The following FZR1 variants were observed in gnomAD, a reference collection of about 807,000 sequenced individuals.
The protein encoded by FZR1 is fizzy and cell division cycle 20 related 1, also known as fizzy-related protein homolog.
FZR1 carries 11 observed loss-of-function variants against 63.6 expected under a neutral mutation model. That is an observed-to-expected ratio of 0.17 (90% confidence interval 0.11 to 0.29). The LOEUF is 0.29. FZR1 is among the 10% of genes least tolerant of loss of function. The pLI, the probability that FZR1 is intolerant of heterozygous loss-of-function variation, is 1.00. For missense variants in FZR1, 440 were observed against 687.5 expected (o/e 0.64, Z 4.03); for synonymous variants, 328 against 297.9 (o/e 1.10, Z -1.04).
At chr19:3,509,754 T>C (rs1005512020) in intron 1 of FZR1, among the ~76,000 whole-genome samples, 5 of 152,174 alleles carry the variant, frequency 3.3e-5, no homozygotes, top group Non-Finnish European at 7.3e-5. Context: ...GTCCTCAAGG[T>C]GCGTCTAGGC....
chr19:3,525,432 C>CTT lies in FZR1; in HGVS notation c.70-409_70-408dup, dbSNP rs57486013. The stretch of plus-strand genomic sequence containing the variant: ...TGTGTGGCTCCCCTCCTTGGGTTTT[C>CTT]TTTTTTTTTTTTTTTTTTTTTTTTT... On this transcript the variant is annotated intron_variant, in intron 2 of 13. Transcript: ENST00000441788. The surrounding 1 kb of genome is among the most constrained non-coding windows in gnomAD (Gnocchi z 4.2). 0.048 allele frequency among the ~76,000 whole-genome samples: 3,309 copies of CTT among 68,754 alleles called. 540 individuals are homozygous for CTT. The highest frequency in any genetic ancestry group is 0.079 in the East Asian group (170 of 2,162). The allele number at this position is 68,754 out of a possible 152,430, so 45.1% of individuals were successfully genotyped here.
In FZR1 at chr19:3,535,318, C is replaced by G. The variant is rs1048975760; in HGVS notation, c.*482C>G. ...GCACCCCACCATGTCAAACCCAAGA[C>G]CAGCCCCAAGGCCAGACCAAGGCAT... On this transcript the variant is annotated 3_prime_UTR_variant, in exon 14 of 14. Transcript: ENST00000441788. 6.2e-6 allele frequency: 1 copy of G among 161,252 alleles called. No individual in the cohort carries two copies. The highest frequency in any genetic ancestry group is 2.4e-5 in the African/African-American group (1 of 41,510). The allele number at this position is 161,252 out of a possible 1,614,324, so 10.0% of individuals were successfully genotyped here.
chr19:3,531,684 C>A, intron 8 of FZR1, 30 bp from the exon 9 acceptor site: 1 of 1,475,814 alleles, frequency 6.8e-7, no homozygotes, highest in Non-Finnish European at 9.3e-7. Context: ...AGACCTGACA[C>A]CGGTGCTCTG....
chr19:3,507,552 C>T (rs2082993757), intron 1 of FZR1, among the ~76,000 whole-genome samples: 1 of 152,164 alleles, frequency 6.6e-6, no homozygotes, highest in Non-Finnish European at 1.5e-5. Flanking sequence ...CCCCAGTCTA[C>T]CGGGCGATGA....
chr19:3,525,144 C>G lies in FZR1; in HGVS notation c.70-724C>G, dbSNP rs542675339. On this transcript the variant is annotated intron_variant, in intron 2 of 13. Transcript: ENST00000441788. The surrounding 1 kb of genome is among the most constrained non-coding windows in gnomAD (Gnocchi z 4.2). ...GGTACAGCTGTTGCGTGTCTTGTGC[C>G]GTCAAGGCCTGCGTCTGTGATCATC... is the stretch of plus-strand genomic sequence containing the variant. 6.6e-6 allele frequency among the ~76,000 whole-genome samples: 1 copy of G among 152,284 alleles called. No individual in the cohort carries two copies. The highest frequency in any genetic ancestry group is 2.1e-4 in the South Asian group (1 of 4,828).
Position 3,532,464 on chromosome 19 carries a change from G to A in FZR1, c.1056G>A (p.Thr352=), listed in dbSNP as rs748838623. The A allele has an allele frequency of 5.2e-5, 83 of 1,602,574 alleles. No homozygotes were observed. Among genetic ancestry groups the A allele is most frequent in the South Asian group, 2.0e-4 (18 of 90,596 alleles). ...GCCTGAGCCCCGTGCAGCAGTACAC[G>A]GAGCACCTGGCGGCCGTGAAGGCCA... ...HSSLSPVQQY[T]EHLAAVKAIA... The change falls in exon 11 of 14, where the codon ACG becomes ACA. Residue 352 remains threonine, a synonymous_variant. Coordinates refer to ENST00000441788, the MANE Select transcript of FZR1 (RefSeq NM_016263.4).
intron 1 of FZR1, among the ~76,000 whole-genome samples, chr19:3,518,361 G>C (rs555989688): frequency 6.6e-6 from 1 of 152,106 alleles, no homozygotes; most frequent in African/African-American, 2.4e-5. Flanking sequence ...GCTGTACCTG[G>C]CAGCTAAGTT....
At position 3,526,126 on chromosome 19, in the gene FZR1, G is replaced by A; in HGVS notation, c.202G>A (p.Glu68Lys). 6.2e-7 allele frequency: 1 copy of A among 1,612,904 alleles called. No homozygotes were observed. The highest frequency in any genetic ancestry group is 1.1e-5 in the South Asian group (1 of 91,080). Residue 68 changes from glutamate (E) to lysine (K), a missense_variant, in exon 4 of 14, where the codon GAG (glutamate) becomes AAG (lysine). This residue lies in a region of FZR1 where 200 missense variants were observed against 245.1 expected (regional missense o/e 0.82). Coordinates refer to ENST00000441788, the MANE Select transcript of FZR1 (RefSeq NM_016263.4). The surrounding 1 kb of genome is among the most constrained non-coding windows in gnomAD (Gnocchi z 5.4). The part of the protein sequence containing the change: ...SVNFHRINEN[E>K]KSPSQNRKAK... ...TCTGCTCTCCTGCCTGCAGGAGAAT[G>A]AGAAGTCTCCCAGTCAGAACCGGAA...
intron 1 of FZR1, among the ~76,000 whole-genome samples, chr19:3,521,642 C>G (rs1340098078): frequency 1.3e-5 from 2 of 152,066 alleles, no homozygotes; most frequent in Non-Finnish European, 2.9e-5. Flanking sequence ...GCTGGGATTA[C>G]AGGCATGTGC....
rs1412830856 is a variant in FZR1 at position 3,536,987 on chromosome 19, C to G, written c.*2151C>G. 1 of 151,790 alleles carries G rather than the reference C, an allele frequency of 6.6e-6. No individual in the cohort carries two copies. The highest frequency in any genetic ancestry group is 1.9e-4 in the East Asian group (1 of 5,150). 9.4% of individuals were successfully genotyped at this position (151,790 alleles called of 1,614,324 possible). A position where few individuals can be genotyped will look rare whatever the true frequency, so the allele number is the denominator to read the frequency against. On this transcript the variant is annotated 3_prime_UTR_variant, in exon 14 of 14. Transcript: ENST00000441788. ...CCAAGGACTGGACTCCAGGCAAGTC[C>G]CTGCGCTCCAGCTGGACGGCCCTGT...
chr19:3,509,087 TC>T (rs1239730827), intron 1 of FZR1, among the ~76,000 whole-genome samples: 1 of 152,242 alleles, frequency 6.6e-6, no homozygotes, highest in Admixed American at 6.5e-5. Flanking sequence ...GACCTGCTCG[TC>T]AACTCCGCTT....
chr19:3,510,082 C>T (rs928054050), intron 1 of FZR1, among the ~76,000 whole-genome samples: 2 of 152,118 alleles, frequency 1.3e-5, no homozygotes, highest in Non-Finnish European at 2.9e-5. Context: ...CTGCCCCCAG[C>T]ATGTCCCTTC....
chr19:3,519,872 C>G (rs148273354), intron 1 of FZR1, among the ~76,000 whole-genome samples: 2 of 143,740 alleles, frequency 1.4e-5, no homozygotes, highest in East Asian at 4.2e-4. Context: ...GAATCGGTCC[C>G]GGGGGGCCCC....
Position 3,530,557 on chromosome 19 carries a change from GGAGAGTGGAT to G in FZR1, c.655-223_655-214del, listed in dbSNP as rs202000096. 4.7e-3 allele frequency among the ~76,000 whole-genome samples: 705 copies of G among 148,670 alleles called. 6 individuals carry two copies. The highest frequency in any genetic ancestry group is 0.017 in the African/African-American group (673 of 40,484). ...GGTTGAGTAGATGGGAGAGCAGATG[GGAGAGTGGAT>G]GAGAGTGGATGGGAAAGCGGATGAG... On this transcript the variant is annotated intron_variant, in intron 7 of 13. Coordinates refer to ENST00000441788, the MANE Select transcript of FZR1 (RefSeq NM_016263.4).
chr19:3,530,399 G>GATGGGAGAGCGC (rs1253718396), intron 7 of FZR1, among the ~76,000 whole-genome samples: 28 of 128,366 alleles, frequency 2.2e-4, no homozygotes, highest in Non-Finnish European at 3.0e-4. Context: ...TGGGTGAGCG[G>GATGGGAGAGCGC]ATGGGAGAGC....
At position 3,526,036 on chromosome 19, in the gene FZR1, C is replaced by T. The variant is rs1480052470; in HGVS notation, c.195+43C>T. ...CAGGAGATGGGACCCCCCGGGAAGC[C>T]CAGGGCCCCTCCCAGCCTCCTTGCT... On this transcript the variant is annotated intron_variant, in intron 3 of 13. Coordinates refer to ENST00000441788, the MANE Select transcript of FZR1 (RefSeq NM_016263.4). This position sits in a 1 kb window ranked among gnomAD's most constrained non-coding sequence, Gnocchi z 5.4. 6.2e-7 allele frequency: 1 copy of T among 1,611,720 alleles called. No homozygotes were observed. Among genetic ancestry groups the T allele is most frequent in the Non-Finnish European group, 8.5e-7 (1 of 1,179,430 alleles).
chr19:3,529,099 TGAGCGGATGGGAGAGCGGATGGGA>T lies in FZR1; in HGVS notation c.654+1328_654+1351del, dbSNP rs1211015129. 5.0e-3 allele frequency among the ~76,000 whole-genome samples: 235 copies of T among 46,616 alleles called. 2 individuals carry two copies. Among genetic ancestry groups the T allele is most frequent in the East Asian group, 0.027 (17 of 636 alleles). The allele number at this position is 46,616 out of a possible 152,430, so 30.6% of individuals were successfully genotyped here. On this transcript the variant is annotated intron_variant, in intron 7 of 13. Coordinates refer to ENST00000441788, the MANE Select transcript of FZR1 (RefSeq NM_016263.4). Reference sequence around the variant, plus strand: ...GAGAGCGGATGGGAGAGCAGACGGTTGAGCGGATGGGAGAGCGGATGGGAGAGCGGATGGGAGAGCGGATGGGAG... The same window carrying T: ...GAGAGCGGATGGGAGAGCAGACGGTTGAGCGGATGGGAGAGCGGATGGGAG...
At chr19:3,534,736 AG>A in intron 13 of FZR1, 58 bp from the exon 14 acceptor site, 1 of 1,515,392 alleles carries the variant, frequency 6.6e-7, no homozygotes, top group Non-Finnish European at 9.2e-7. Context: ...GGGACCCTCC[AG>A]GCAGCTTCCT....
intron 1 of FZR1, among the ~76,000 whole-genome samples, chr19:3,511,248 G>A (rs1485562153): frequency 2.0e-5 from 3 of 152,226 alleles, no homozygotes; most frequent in South Asian, 2.1e-4. Context: ...GAGCAACCTC[G>A]GGTCTTTTAT....
Sources: gnomAD v4.1 joint callset for allele counts (sites outside exome capture counted in the v4.1 genomes callset) on GRCh38, gnomAD v4.1.1 for gene constraint, gnomAD v4.1.1 regional missense constraint, Gnocchi (gnomAD v3.1) non-coding constraint, MANE v1.5 for transcripts, NCBI Gene and HGNC (gene_info 2026-07-23, HGNC 2026-07-21) for gene names.